STX8: variants seen among roughly 807,000 people sequenced by gnomAD.
STX8 encodes syntaxin 8.
STX8 carries 23 observed loss-of-function variants against 37.5 expected under a neutral mutation model. That is an observed-to-expected ratio of 0.61 (90% CI 0.44 to 0.87). STX8 has a LOEUF of 0.87. Among genes scored for constraint, STX8 ranks in the 40% least tolerant of loss-of-function variants. The pLI, the probability that STX8 is intolerant of heterozygous loss-of-function variation, is 0.00. For synonymous variants in STX8, 115 were observed against 99.1 expected, an observed-to-expected ratio of 1.16 and a Z score of -0.95; for missense variants, 313 against 284.7, an observed-to-expected ratio of 1.10 and a Z score of -0.71.
chr17:9,339,015 G>A (rs1035045127), intron 7 of STX8, among the ~76,000 whole-genome samples: 1 of 141,292 alleles, frequency 7.1e-6, no homozygotes, highest in Admixed American at 7.7e-5. Context: ...AGCTTGCAGT[G>A]AACAGAGATC....
intron 4 of STX8, among the ~76,000 whole-genome samples, chr17:9,519,742 G>A (rs777113899): frequency 2.3e-4 from 13 of 56,152 alleles, no homozygotes; most frequent in East Asian, 2.5e-3. Context: ...GCTCCCCACC[G>A]CTCAGACAAA....
chr17:9,308,118 C>A (rs1909065968), intron 7 of STX8, among the ~76,000 whole-genome samples: 1 of 152,194 alleles, frequency 6.6e-6, no homozygotes. Flanking sequence ...TGCTTAGATT[C>A]AATGAAGAGT....
intron 7 of STX8, among the ~76,000 whole-genome samples, chr17:9,340,637 A>G (rs56252779): frequency 0.021 from 2,990 of 139,532 alleles, 40 homozygotes; most frequent in South Asian, 0.034. Context: ...TTTCTTATCA[A>G]TGTTGCACTT....
At chr17:9,560,644 AGT>A (rs1907194954) in intron 2 of STX8, among the ~76,000 whole-genome samples, 1 of 152,134 alleles carries the variant, frequency 6.6e-6, no homozygotes, top group African/African-American at 2.4e-5. Context: ...TGAAAATGTA[AGT>A]TTTCCCCAAT....
At chr17:9,517,093 T>C (rs1379686598) in intron 4 of STX8, among the ~76,000 whole-genome samples, 1 of 152,232 alleles carries the variant, frequency 6.6e-6, no homozygotes, top group Non-Finnish European at 1.5e-5. Flanking sequence ...CTCTCAAATG[T>C]TGTCTCCTCA....
chr17:9,429,479 G>A (rs962787921), intron 6 of STX8, among the ~76,000 whole-genome samples: 9 of 144,048 alleles, frequency 6.2e-5, no homozygotes, highest in African/African-American at 1.5e-4. Context: ...CTAGGCAGGC[G>A]GATCATGAGG....
intron 6 of STX8, among the ~76,000 whole-genome samples, chr17:9,455,658 A>G (rs1905167102): frequency 6.6e-6 from 1 of 152,234 alleles, no homozygotes; most frequent in African/African-American, 2.4e-5. Flanking sequence ...TTTTTAAAAA[A>G]CTGAATAAAA....
chr17:9,404,132 A>T (rs1912724595), intron 6 of STX8, among the ~76,000 whole-genome samples: 1 of 152,196 alleles, frequency 6.6e-6, no homozygotes, highest in African/African-American at 2.4e-5. Context: ...AAGAGAAAAT[A>T]TATTACCAAT....
At chr17:9,396,023 C>T (rs1912389216) in intron 6 of STX8, among the ~76,000 whole-genome samples, 1 of 152,040 alleles carries the variant, frequency 6.6e-6, no homozygotes, top group South Asian at 2.1e-4. Context: ...TTTTCCTAGC[C>T]CCTCAATGAA....
At chr17:9,298,180 G>A (rs73265966) in intron 7 of STX8, among the ~76,000 whole-genome samples, 2,441 of 152,242 alleles carry the variant, frequency 0.016, 50 homozygotes, top group African/African-American at 0.048. Context: ...TGACGTGGGA[G>A]CATGGATGAA....
intron 6 of STX8, among the ~76,000 whole-genome samples, chr17:9,385,769 TTTTG>T (rs1911978414): frequency 1.3e-5 from 2 of 152,136 alleles, no homozygotes; most frequent in African/African-American, 4.8e-5. Context: ...CTCCTAGGTT[TTTTG>T]TTTTTTGTTT....
chr17:9,305,861 C>T (rs1270284052), intron 7 of STX8, among the ~76,000 whole-genome samples: 1 of 150,894 alleles, frequency 6.6e-6, no homozygotes, highest in Admixed American at 6.6e-5. Flanking sequence ...TCTCCTGCCG[C>T]AGCCTCCTGA....
chr17:9,315,576 A>C (rs985648413), intron 7 of STX8, among the ~76,000 whole-genome samples: 4 of 152,218 alleles, frequency 2.6e-5, no homozygotes, highest in African/African-American at 4.8e-5. Context: ...ATAAATATTC[A>C]TAACTCCTAT....
intron 4 of STX8, among the ~76,000 whole-genome samples, chr17:9,506,408 C>A (rs1373478403): frequency 1.4e-4 from 1 of 7,238 alleles, no homozygotes; most frequent in Admixed American, 9.4e-4. Context: ...CTCACCCGCT[C>A]CCCCCCCCCC....
intron 4 of STX8, among the ~76,000 whole-genome samples, chr17:9,506,415 C>A (rs913098340): frequency 1.0e-5 from 1 of 96,324 alleles, no homozygotes; most frequent in African/African-American, 3.8e-5. Context: ...GCTCCCCCCC[C>A]CCCCCACCCA....
At chr17:9,450,835 T>C (rs1905016881) in intron 6 of STX8, among the ~76,000 whole-genome samples, 2 of 152,072 alleles carry the variant, frequency 1.3e-5, no homozygotes, top group Non-Finnish European at 1.5e-5. Context: ...TTTGTAGACA[T>C]ACCTGCTCTT....
intron 7 of STX8, among the ~76,000 whole-genome samples, chr17:9,320,837 G>A (rs1442522224): frequency 6.7e-6 from 1 of 150,296 alleles, no homozygotes; most frequent in Non-Finnish European, 1.5e-5. Flanking sequence ...GGAGGCGGAG[G>A]TTGCAGTGAG....
At chr17:9,557,604 A>T in intron 2 of STX8, 76 bp from the exon 3 acceptor site, 2 of 1,279,804 alleles carry the variant, frequency 1.6e-6, no homozygotes, top group Admixed American at 3.6e-5. Context: ...CGTAAACACT[A>T]CTTCACGGGC....
At chr17:9,523,311 CAAAA>C (rs34297134) in intron 4 of STX8, among the ~76,000 whole-genome samples, 2 of 123,252 alleles carry the variant, frequency 1.6e-5, no homozygotes. Context: ...GACTCCATCT[CAAAA>C]AAAAAAAAAA....
Sources: allele counts gnomAD v4.1 joint callset (sites outside exome capture counted in the v4.1 genomes callset), GRCh38; gene constraint gnomAD v4.1.1; transcripts MANE v1.5; gene names NCBI Gene and HGNC (gene_info 2026-07-23, HGNC 2026-07-21).